Variants in IL1R1 observed in about 807,000 individuals in gnomAD.
The protein encoded by IL1R1 is interleukin 1 receptor type 1, also known as interleukin-1 receptor type 1.
In IL1R1, 22 loss-of-function variants were observed where a neutral mutation model predicts 50.2. The observed-to-expected ratio is 0.44, with a 90% CI of 0.31 to 0.63. The LOEUF (loss-of-function observed/expected upper bound fraction) is 0.63. Ranked by LOEUF, IL1R1 falls within the 20% of genes least tolerant of loss-of-function variation. The pLI is 0.07. For synonymous variants in IL1R1, 251 were observed against 236.7 expected, an observed-to-expected ratio of 1.06 and a Z score of -0.55; for missense variants, 509 against 676.2, an observed-to-expected ratio of 0.75 and a Z score of 2.74.
At chr2:102,103,257 G>A (rs1680225303), upstream of IL1R1, among the ~76,000 whole-genome samples, 1 of 152,150 alleles carries the variant, frequency 6.6e-6, no homozygotes, top group Non-Finnish European at 1.5e-5. Flanking sequence ...ACAGAGAGAA[G>A]GCACAGGTTC....
chr2:102,085,253 T>A (rs11123906), intron 1 of IL1R1, among the ~76,000 whole-genome samples: 30,969 of 152,170 alleles, frequency 0.2, 3,665 homozygotes, highest in East Asian at 0.53. Flanking sequence ...CTTTGATTAT[T>A]AGAATATTTT....
intron 1 of IL1R1, among the ~76,000 whole-genome samples, chr2:102,097,023 G>A (rs1679934194): frequency 2.0e-5 from 3 of 152,092 alleles, no homozygotes; most frequent in Admixed American, 1.3e-4. Flanking sequence ...TATTTGTCAG[G>A]ATAGGAAATA....
rs539342825 is a variant in IL1R1 at position 102,135,128 on chromosome 2, A to G, written c.-83-18813A>G. ...TTTTACAATTTTATTGGCTAATATA[A>G]TGCTATCTAAAATCTGTTTTTTTTA... On this transcript the variant is annotated intron_variant, in intron 1 of 10. Transcript: ENST00000409329. 1.1e-4 allele frequency among the ~76,000 whole-genome samples: 15 copies of G among 131,184 alleles called. 1 individual carries two copies. Among genetic ancestry groups the G allele is most frequent in the Admixed American group, 4.0e-4 (5 of 12,596 alleles). The allele number at this position is 131,184 out of a possible 152,430, so 86.1% of individuals were successfully genotyped here.
At position 102,176,830 on chromosome 2, in the gene IL1R1, T is replaced by C; in HGVS notation, c.*71T>C. 7.2e-7 allele frequency: 1 copy of C among 1,394,724 alleles called. No homozygotes were observed. Among genetic ancestry groups the C allele is most frequent in the Non-Finnish European group, 1.0e-6 (1 of 1,001,134 alleles). The allele number at this position is 1,394,724 out of a possible 1,614,324, so 86.4% of individuals were successfully genotyped here. On this transcript the variant is annotated 3_prime_UTR_variant, in exon 12 of 12. Transcript: ENST00000410023. ...GCGTTGCAGGCCAGGTTATGCCTCATGCTGACTTGCAGAGTTCATGGAATG... is the reference window on the plus strand; with the variant it reads ...GCGTTGCAGGCCAGGTTATGCCTCACGCTGACTTGCAGAGTTCATGGAATG...
At chr2:102,111,990 C>G (rs1158558869) in intron 1 of IL1R1, among the ~76,000 whole-genome samples, 1 of 152,148 alleles carries the variant, frequency 6.6e-6, no homozygotes, top group African/African-American at 2.4e-5. Context: ...CAGAATAGAA[C>G]AAAATTCCTG....
At chr2:102,076,152 G>A (rs1678946892) in intron 1 of IL1R1, among the ~76,000 whole-genome samples, 1 of 149,874 alleles carries the variant, frequency 6.7e-6, no homozygotes. Context: ...ATGTACCCAT[G>A]TAGTTACCAT....
intron 1 of IL1R1, among the ~76,000 whole-genome samples, chr2:102,127,958 G>A (rs1226582281): frequency 6.6e-6 from 1 of 152,042 alleles, no homozygotes; most frequent in African/African-American, 2.4e-5. Context: ...CCAACCTTTT[G>A]TTTCCTTTAA....
At chr2:102,101,470 G>A (rs916404801), upstream of IL1R1, among the ~76,000 whole-genome samples, 3 of 152,062 alleles carry the variant, frequency 2.0e-5, no homozygotes, top group African/African-American at 4.8e-5. Context: ...TAGATTCTAG[G>A]GTTGCACATA....
intron 1 of IL1R1, among the ~76,000 whole-genome samples, chr2:102,097,025 T>C (rs558015701): frequency 1.3e-5 from 2 of 152,296 alleles, no homozygotes; most frequent in African/African-American, 4.8e-5. Flanking sequence ...TTTGTCAGGA[T>C]AGGAAATATT....
chr2:102,104,687 C>G (rs932888108), exon 1 of IL1R1: 2 of 152,168 alleles, frequency 1.3e-5, no homozygotes, highest in African/African-American at 4.8e-5. Context: ...CACTCTGCTG[C>G]GGCACAGACC....
chr2:102,110,643 G>T (rs376648670), intron 1 of IL1R1, among the ~76,000 whole-genome samples: 2 of 151,436 alleles, frequency 1.3e-5, no homozygotes, highest in Admixed American at 1.3e-4. Context: ...GTGGTCTCTC[G>T]TGGCAAATAC....
Position 102,126,393 on chromosome 2 carries a change from C to T in IL1R1, c.-84+21521C>T, listed in dbSNP as rs180936069. 9.8e-4 allele frequency among the ~76,000 whole-genome samples: 150 copies of T among 152,308 alleles called. 1 individual carries two copies. Among genetic ancestry groups the T allele is most frequent in the African/African-American group, 3.4e-3 (143 of 41,576 alleles). On this transcript the variant is annotated intron_variant, in intron 1 of 10. Coordinates refer to the IL1R1 transcript ENST00000409329. Reference sequence around the variant, plus strand: ...GTTGGGGATGTGGTTTTCTTCCTCCCATGGTGAAAGATCTTTTATAAACTT... The same window carrying T: ...GTTGGGGATGTGGTTTTCTTCCTCCTATGGTGAAAGATCTTTTATAAACTT...
chr2:102,101,131 T>A (rs976106444), upstream of IL1R1, among the ~76,000 whole-genome samples: 1 of 152,222 alleles, frequency 6.6e-6, no homozygotes, highest in African/African-American at 2.4e-5. Flanking sequence ...AAATATAGAT[T>A]TGAATTCAGT....
intron 7 of IL1R1, among the ~76,000 whole-genome samples, chr2:102,170,087 CA>C (rs920093642): frequency 6.6e-6 from 1 of 151,184 alleles, no homozygotes; most frequent in East Asian, 1.9e-4. Context: ...TCTCAATCTA[CA>C]AAAAAAAGCT....
exon 1 of IL1R1, chr2:102,104,569 G>A (rs2104345261): frequency 6.6e-6 from 1 of 152,272 alleles, no homozygotes; most frequent in Admixed American, 6.5e-5. Context: ...TGTCACGGCC[G>A]AGGGATTAAA....
chr2:102,071,313 AG>A (rs1480918581), intron 1 of IL1R1, among the ~76,000 whole-genome samples: 1 of 152,234 alleles, frequency 6.6e-6, no homozygotes, highest in African/African-American at 2.4e-5. Flanking sequence ...TTAACTAAAT[AG>A]GGTGATATCA....
At chr2:102,083,404 T>C (rs1048963480) in intron 1 of IL1R1, among the ~76,000 whole-genome samples, 2 of 152,100 alleles carry the variant, frequency 1.3e-5, no homozygotes, top group Non-Finnish European at 2.9e-5. Flanking sequence ...CCGAGGTATT[T>C]CTGGGTGAAG....
rs202222726 is a variant in IL1R1, at chr2:102,164,976, G to A, written c.264G>A (p.Val88=). 6.3e-5 allele frequency: 101 copies of A among 1,613,852 alleles called. No homozygotes were observed. The highest frequency in any genetic ancestry group is 3.3e-4 in the Middle Eastern group (2 of 6,082). The change falls in exon 4 of 12, where the codon GTG becomes GTA. Residue 88 remains valine (V), a synonymous_variant. Transcript: ENST00000410023. Reference sequence around the variant, plus strand: ...AACTTTGGTTTGTTCCTGCTAAGGTGGAGGATTCAGGACATTACTATTGCG... The same window carrying A: ...AACTTTGGTTTGTTCCTGCTAAGGTAGAGGATTCAGGACATTACTATTGCG... ...KEKLWFVPAK[V]EDSGHYYCVV...
At chr2:102,169,284 A>T (rs1456789859) in intron 7 of IL1R1, among the ~76,000 whole-genome samples, 3 of 152,236 alleles carry the variant, frequency 2.0e-5, no homozygotes, top group Non-Finnish European at 4.4e-5. Flanking sequence ...TCAAGAGTAA[A>T]GAAAGAACCC....
Sources: allele counts gnomAD v4.1 joint callset (sites outside exome capture counted in the v4.1 genomes callset), GRCh38; gene constraint gnomAD v4.1.1; transcripts MANE v1.5; gene names NCBI Gene and HGNC (gene_info 2026-07-23, HGNC 2026-07-21).